The following MSANTD4 variants were observed in gnomAD, a reference collection of about 807,000 sequenced individuals.
MSANTD4 encodes Myb/SANT DNA binding domain containing 4 with coiled-coils.
In MSANTD4, 13 loss-of-function variants were observed where a neutral mutation model predicts 34.3. The observed-to-expected ratio is 0.38, with a 90% CI of 0.25 to 0.60. The LOEUF (loss-of-function observed/expected upper bound fraction) is 0.60, where lower values mean the gene tolerates loss of function less well. Ranked by LOEUF, MSANTD4 falls within the 20% of genes least tolerant of loss-of-function variation. The pLI, the probability that MSANTD4 is intolerant of heterozygous loss-of-function variation, is 0.63. For synonymous variants in MSANTD4, 137 were observed against 145.2 expected (o/e 0.94, Z 0.41); for missense variants, 358 against 401.8 (o/e 0.89, Z 0.93).
At chr11:106,017,905 T>C (rs1449312164) in intron 1 of MSANTD4, among the ~76,000 whole-genome samples, 3 of 152,152 alleles carry the variant, frequency 2.0e-5, no homozygotes, top group Admixed American at 2.0e-4. Flanking sequence ...GCTGTGTCTC[T>C]CAAACTATAG....
intron 1 of MSANTD4, among the ~76,000 whole-genome samples, chr11:106,014,709 A>G (rs972334398): frequency 2.6e-5 from 4 of 152,166 alleles, no homozygotes; most frequent in Non-Finnish European, 4.4e-5. Flanking sequence ...TTCCTTTTCA[A>G]GCTCTTGGTA....
intron 1 of MSANTD4, 35 bp from the exon 2 acceptor site, chr11:106,011,102 T>A: frequency 9.6e-7 from 1 of 1,036,940 alleles, no homozygotes; most frequent in South Asian, 1.9e-5. Context: ...TCAATCAATC[T>A]GCAACTTCTA....
chr11:106,011,315 T>A (rs1262100739), intron 1 of MSANTD4, among the ~76,000 whole-genome samples: 1 of 152,182 alleles, frequency 6.6e-6, no homozygotes, highest in Non-Finnish European at 1.5e-5. Flanking sequence ...CTACTTCAGC[T>A]CCTTCTCCCA....
At chr11:106,010,359 A>C in intron 2 of MSANTD4, 97 bp downstream of exon 2, 1 of 1,489,326 alleles carries the variant, frequency 6.7e-7, no homozygotes. Context: ...TTTTTAAATA[A>C]GCTTGAAAAT....
intron 1 of MSANTD4, among the ~76,000 whole-genome samples, chr11:106,013,488 G>A (rs10895892): frequency 0.15 from 22,760 of 152,136 alleles, 2,215 homozygotes; most frequent in East Asian, 0.37. Context: ...TAGTTAAATG[G>A]CAAGACTTAC....
At chr11:106,013,685 AC>A (rs1328262571) in intron 1 of MSANTD4, among the ~76,000 whole-genome samples, 1 of 152,222 alleles carries the variant, frequency 6.6e-6, no homozygotes, top group African/African-American at 2.4e-5. Context: ...GCATGGCAAA[AC>A]CCCGTATCTA....
At chr11:106,019,183 T>A (rs1406548707) in intron 1 of MSANTD4, among the ~76,000 whole-genome samples, 1 of 152,114 alleles carries the variant, frequency 6.6e-6, no homozygotes, top group Non-Finnish European at 1.5e-5. Flanking sequence ...ACCTTCCTCA[T>A]CAAACATGTA....
At chr11:106,020,835 T>A (rs1860011978) in intron 1 of MSANTD4, 127 bp downstream of exon 1, 1 of 152,220 alleles carries the variant, frequency 6.6e-6, no homozygotes, top group Non-Finnish European at 1.5e-5. Flanking sequence ...GGATGCACCT[T>A]AGATACCCAG....
intron 1 of MSANTD4, among the ~76,000 whole-genome samples, chr11:106,015,864 A>G (rs964502546): frequency 3.9e-5 from 6 of 152,198 alleles, no homozygotes; most frequent in South Asian, 2.1e-4. Flanking sequence ...GAATGCTTAT[A>G]ATTTTATTTT....
Position 106,021,499 on chromosome 11 carries a change from G to T in MSANTD4, c.-688C>A, listed in dbSNP as rs977804551. On this transcript the variant is annotated 5_prime_UTR_variant, in exon 1 of 3. Coordinates refer to ENST00000301919, the MANE Select transcript of MSANTD4 (RefSeq NM_032424.3). ...AAGTCTGAGAAAAACCAGACGGCAAGTTCCGGATCAAAAAAATTTGAGGGT... is the reference window on the plus strand; with the variant it reads ...AAGTCTGAGAAAAACCAGACGGCAATTTCCGGATCAAAAAAATTTGAGGGT... 1 of 152,160 alleles carries T rather than the reference G, an allele frequency of 6.6e-6. No homozygotes were observed. Among genetic ancestry groups the T allele is most frequent in the South Asian group, 2.1e-4 (1 of 4,832 alleles). The allele number at this position is 152,160 out of a possible 1,614,324, so 9.4% of individuals were successfully genotyped here.
At position 106,010,565 on chromosome 11, in the gene MSANTD4, C is replaced by A. The variant is rs370953872; in HGVS notation, c.353G>T (p.Arg118Leu). 2.5e-6 allele frequency: 4 copies of A among 1,614,158 alleles called. No homozygotes were observed. The South Asian group carries it at 4.4e-5, about 18-fold the overall frequency. The change falls in exon 2 of 3, where the codon CGA (arginine) becomes CTA (leucine). Residue 118 changes from arginine (R) to leucine (L), a missense_variant. By Grantham distance (102) the Arg-to-Leu change is moderately radical. This residue lies in a region of MSANTD4 where 312 missense variants were observed against 317.6 expected (regional missense o/e 0.98). Transcript: ENST00000301919. ...TTGCCAGTCAAAATTTGCATCATTTCGGAATCCAATCTTTTCATCTATCTC... is the reference window on the plus strand; with the variant it reads ...TTGCCAGTCAAAATTTGCATCATTTAGGAATCCAATCTTTTCATCTATCTC... The part of the protein sequence containing the change: ...TEEIDEKIGF[R>L]NDANFDWQNV...
intron 1 of MSANTD4, among the ~76,000 whole-genome samples, chr11:106,020,119 T>C (rs1859984595): frequency 6.6e-6 from 1 of 152,112 alleles, no homozygotes; most frequent in Non-Finnish European, 1.5e-5. Flanking sequence ...ATACAAAAAC[T>C]ACAATAAAGA....
At chr11:106,010,364 G>A in intron 2 of MSANTD4, 92 bp downstream of exon 2, 21 of 1,495,268 alleles carry the variant, frequency 1.4e-5, no homozygotes, top group Non-Finnish European at 1.9e-5. Context: ...AAATAAGCTT[G>A]AAAATCTTGG....
intron 1 of MSANTD4, among the ~76,000 whole-genome samples, chr11:106,019,666 T>C (rs1319386030): frequency 1.3e-5 from 2 of 152,198 alleles, no homozygotes; most frequent in African/African-American, 4.8e-5. Context: ...CCCTATGTGC[T>C]TCCACTATCA....
Position 106,010,725 on chromosome 11 carries a change from T to C in MSANTD4, c.193A>G (p.Thr65Ala), listed in dbSNP as rs1415174514. The C allele has an allele frequency of 6.2e-7, 1 of 1,614,082 alleles. No homozygotes were observed. Residue 65 changes from threonine (T) to alanine (A), a missense_variant, in exon 2 of 3, where the codon ACA becomes GCA. Physicochemically the swap from Thr to Ala is moderately conservative, Grantham distance 58. Coordinates refer to ENST00000301919, the MANE Select transcript of MSANTD4 (RefSeq NM_032424.3). ...VNAVGEGEQR[T>A]GTEVKRRYLD... The stretch of plus-strand genomic sequence containing the variant: ...TACCTTCTTTTCACCTCTGTCCCTG[T>C]CCTCTGTTCTCCTTCTCCTACAGCA...
rs1255582249 is a variant in MSANTD4 at position 106,009,307 on chromosome 11, A to AT, written c.*227dup. ...CACAGACAATACAAGACTCTATGTA[A>AT]TATTATAAGGTAAAGAGTCCAGCAC... On this transcript the variant is annotated 3_prime_UTR_variant, in exon 3 of 3. Transcript: ENST00000301919. 4.3e-6 allele frequency: 2 copies of AT among 460,208 alleles called. No homozygotes were observed. The highest frequency in any genetic ancestry group is 3.9e-5 in the African/African-American group (2 of 50,994). 28.5% of individuals were successfully genotyped at this position (460,208 alleles called of 1,614,324 possible).
rs143585816 is a variant in MSANTD4 at position 106,010,654 on chromosome 11, G to A, written c.264C>T (p.Asn88=). ...GAAATCCTGAACCAACCAGCTTAAT[G>A]TTGGCCTTCATCCTCTTTCTCTTCA... ...ALMKRKRMKA[N]IKLVGSGFPL... is the part of the protein sequence containing the mutation. The change falls in exon 2 of 3, where the codon AAC becomes AAT. Residue 88 remains asparagine (N), a synonymous_variant. Coordinates refer to ENST00000301919, the MANE Select transcript of MSANTD4 (RefSeq NM_032424.3). The A allele has an allele frequency of 8.1e-6, 13 of 1,614,130 alleles. 1 individual carries two copies. The African/African-American group carries it at 1.7e-4, about 22-fold the overall frequency.
rs377459704 is a variant in MSANTD4 at position 106,009,662 on chromosome 11, C to T, written c.911G>A (p.Arg304His). The change falls in exon 3 of 3, where the codon CGC becomes CAC. Residue 304 changes from arginine (R) to histidine (H), a missense_variant. Arg to His is a conservative substitution (Grantham distance 29, BLOSUM62 0). Transcript: ENST00000301919. ...CAGCCTATCCTTTTCCAGTTGCAAG[C>T]GTTCTCGCTCAAGTTTTAACTTCTC... is the stretch of plus-strand genomic sequence containing the variant. Reference protein sequence around the residue: ...ETEKLKLERERLQLEKDRLQF... With the variant: ...ETEKLKLEREHLQLEKDRLQF... The T allele has an allele frequency of 1.2e-6, 2 of 1,614,198 alleles. No individual in the cohort carries two copies. The highest frequency in any genetic ancestry group is 1.3e-5 in the African/African-American group (1 of 75,048).
In MSANTD4 at chr11:106,013,840, G is replaced by A. The variant is rs537066418; in HGVS notation, c.-150-2773C>T. Among the ~76,000 whole-genome samples the A allele has an allele frequency of 2.6e-5, 4 of 152,278 alleles. No homozygotes were observed. In the South Asian group the frequency reaches 8.3e-4, roughly 32 times the overall value. ...TTGTGCCACTGCACCCCAACCTGGG[G>A]GAAACAGTGAGACTTTGTCTCAAAC... On this transcript the variant is annotated intron_variant, in intron 1 of 2. Transcript: ENST00000301919.
Sources: allele counts gnomAD v4.1 joint callset (sites outside exome capture counted in the v4.1 genomes callset), GRCh38; gene constraint gnomAD v4.1.1; regional missense constraint gnomAD v4.1.1; transcripts MANE v1.5; gene names NCBI Gene and HGNC (gene_info 2026-07-23, HGNC 2026-07-21).